COL23A1: variants seen among roughly 807,000 people sequenced by gnomAD.
COL23A1 encodes the protein collagen type XXIII alpha 1 chain.
COL23A1 carries 97 observed loss-of-function variants against 99.3 expected under a neutral mutation model. The ratio of observed to expected loss-of-function variants is 0.98; its 90% CI spans 0.83 to 1.16. The LOEUF is 1.16. COL23A1 is among the 50% of genes most tolerant of loss of function. The pLI is 0.00. For missense variants in COL23A1, 762 were observed against 757.4 expected, an observed-to-expected ratio of 1.01 and a Z score of -0.07; for synonymous variants, 320 against 308.2, an observed-to-expected ratio of 1.04 and a Z score of -0.40.
rs539677247 is a variant in COL23A1 at position 178,373,020 on chromosome 5, C to T, written c.362-66101G>A. Among the ~76,000 whole-genome samples the T allele has an allele frequency of 3.3e-5, 5 of 152,018 alleles. No homozygotes were observed. The East Asian group carries it at 7.7e-4, about 24-fold the overall frequency. ...CCCGGCTCACTGCAACCTCCATCTCCCAGGTTCAAGCGATTCTCCTGCCTC... is the reference window on the plus strand; with the variant it reads ...CCCGGCTCACTGCAACCTCCATCTCTCAGGTTCAAGCGATTCTCCTGCCTC... On this transcript the variant is annotated intron_variant, in intron 2 of 28. Transcript: ENST00000390654.
At chr5:178,487,453 G>A (rs898943530) in intron 2 of COL23A1, among the ~76,000 whole-genome samples, 1 of 152,096 alleles carries the variant, frequency 6.6e-6, no homozygotes, top group African/African-American at 2.4e-5. Flanking sequence ...CTGAGTAGCT[G>A]AGATTACAGG....
At chr5:178,422,592 G>A (rs372044872) in intron 2 of COL23A1, among the ~76,000 whole-genome samples, 2 of 152,142 alleles carry the variant, frequency 1.3e-5, no homozygotes, top group South Asian at 2.1e-4. Flanking sequence ...CCAGCAGGCC[G>A]GGAGCTGGGA....
At chr5:178,435,022 C>T (rs192648441) in intron 2 of COL23A1, among the ~76,000 whole-genome samples, 1 of 152,338 alleles carries the variant, frequency 6.6e-6, no homozygotes, top group Non-Finnish European at 1.5e-5. Context: ...TTCCAGCCAG[C>T]ACCGGATGCA....
At position 178,242,350 on chromosome 5, in the gene COL23A1, A is replaced by C; in HGVS notation, c.1485T>G (p.Arg495=). 1.2e-6 allele frequency: 2 copies of C among 1,613,444 alleles called. No homozygotes were observed. Among genetic ancestry groups the C allele is most frequent in the South Asian group, 1.1e-5 (1 of 91,006 alleles). Residue 495 remains arginine (R), a synonymous_variant, in exon 26 of 29, where the codon CGT becomes CGG. Transcript: ENST00000390654. ...PRGEKGDRSE[R]GEKGERGVPG... ...GTCCAGCTGCCCTCACCTTCTCTCC[A>C]CGCTCGCTCCGATCACCTTTCTCTC...
chr5:178,339,621 G>A (rs1221806429), intron 2 of COL23A1, among the ~76,000 whole-genome samples: 2 of 152,220 alleles, frequency 1.3e-5, no homozygotes, highest in Non-Finnish European at 2.9e-5. Flanking sequence ...AGAGAAAAAT[G>A]ATGTAAGCAC....
Position 178,589,919 on chromosome 5 carries a change from C to G in COL23A1, c.279G>C (p.Glu93Asp). The G allele has an allele frequency of 1.8e-5, 24 of 1,321,058 alleles. No individual in the cohort carries two copies. The highest frequency in any genetic ancestry group is 1.9e-5 in the Non-Finnish European group (20 of 1,041,736). The allele number at this position is 1,321,058 out of a possible 1,614,324, so 81.8% of individuals were successfully genotyped here. Residue 93 changes from glutamate (E) to aspartate (D), a missense_variant, in exon 1 of 29, where the codon GAG (glutamate) becomes GAC (aspartate). Glu to Asp is a conservative substitution (Grantham distance 45, BLOSUM62 2). Transcript: ENST00000390654. The surrounding 1 kb of genome is among the most constrained non-coding windows in gnomAD (Gnocchi z 5.4). ...AGACGCTCACCTCCCGCAGCAGGCG[C>G]TCCAGGTGCGGCTCGGCCCAGGCGT... Reference protein sequence around the residue: ...ALDAWAEPHLERLLREKLDGL... With the variant: ...ALDAWAEPHLDRLLREKLDGL...
intron 2 of COL23A1, among the ~76,000 whole-genome samples, chr5:178,405,085 G>A (rs1764685286): frequency 6.6e-6 from 1 of 152,218 alleles, no homozygotes; most frequent in South Asian, 2.1e-4. Flanking sequence ...ATCCCTTGGA[G>A]CCCATCTCTA....
At chr5:178,247,700 C>T (rs1764780022) in intron 21 of COL23A1, 75 bp downstream of exon 21, 1 of 1,551,838 alleles carries the variant, frequency 6.4e-7, no homozygotes, top group African/African-American at 1.4e-5. Context: ...TGGGTCATGG[C>T]TCTGGGACCT....
At chr5:178,567,481 G>A (rs1204924795) in intron 1 of COL23A1, among the ~76,000 whole-genome samples, 3 of 152,092 alleles carry the variant, frequency 2.0e-5, no homozygotes, top group East Asian at 1.9e-4. Context: ...GGTGGTTCAC[G>A]CCTGTAATCC....
intron 12 of COL23A1, 107 bp downstream of exon 12, chr5:178,259,614 C>T: frequency 1.8e-6 from 2 of 1,131,096 alleles, no homozygotes; most frequent in Non-Finnish European, 2.5e-6. Flanking sequence ...GGTTGGCTCC[C>T]AGCCCATCCC....
intron 2 of COL23A1, among the ~76,000 whole-genome samples, chr5:178,351,512 G>A (rs1358464939): frequency 1.3e-5 from 2 of 152,104 alleles, no homozygotes; most frequent in African/African-American, 4.8e-5. Flanking sequence ...AGCTGCCACA[G>A]GACCCCCAGG....
chr5:178,367,175 T>TAG (rs2127715083), intron 2 of COL23A1, among the ~76,000 whole-genome samples: 1 of 152,330 alleles, frequency 6.6e-6, no homozygotes, highest in South Asian at 2.1e-4. Context: ...ACATCAGCAC[T>TAG]AGCTTGATCT....
intron 2 of COL23A1, among the ~76,000 whole-genome samples, chr5:178,467,044 G>A (rs1053014512): frequency 3.9e-5 from 6 of 152,228 alleles, no homozygotes; most frequent in Admixed American, 2.6e-4. Context: ...GTAAAATGCC[G>A]TGGCAGCACA....
chr5:178,292,160 TG>T (rs1757495944), intron 3 of COL23A1, among the ~76,000 whole-genome samples: 2 of 152,136 alleles, frequency 1.3e-5, no homozygotes, highest in Non-Finnish European at 2.9e-5. Flanking sequence ...TGCCTATACC[TG>T]TACCTGCCTT....
chr5:178,546,442 T>C (rs549355932), intron 2 of COL23A1, among the ~76,000 whole-genome samples: 6 of 152,244 alleles, frequency 3.9e-5, no homozygotes, highest in African/African-American at 1.2e-4. Flanking sequence ...TCTCAGCTCT[T>C]CTCCCAGGAC....
At chr5:178,311,511 T>TGC (rs879678766) in intron 2 of COL23A1, among the ~76,000 whole-genome samples, 4,014 of 54,214 alleles carry the variant, frequency 0.074, 90 homozygotes, top group Middle Eastern at 0.1. Flanking sequence ...TGTGTGCGCG[T>TGC]GTGTGTGTGT....
At chr5:178,513,364 AAG>A (rs1035731775) in intron 2 of COL23A1, among the ~76,000 whole-genome samples, 1 of 152,214 alleles carries the variant, frequency 6.6e-6, no homozygotes, top group African/African-American at 2.4e-5. Flanking sequence ...CACAGAGCTT[AAG>A]TAGCTAGCCC....
chr5:178,333,103 G>T (rs2973684), intron 2 of COL23A1, among the ~76,000 whole-genome samples: 75,808 of 151,736 alleles, frequency 0.5, 19,782 homozygotes, highest in East Asian at 0.9. Flanking sequence ...GACTACAGGC[G>T]CCTGCCACCG....
In COL23A1 at chr5:178,239,192, A is replaced by G. The variant is rs149869133; in HGVS notation, c.1582-13T>C. 6 of 1,613,908 alleles carry G rather than the reference A, an allele frequency of 3.7e-6. No homozygotes were observed. The highest frequency in any genetic ancestry group is 3.3e-5 in the South Asian group (3 of 91,078). On this transcript the variant is annotated splice_polypyrimidine_tract_variant and intron_variant, in intron 27 of 28. Transcript: ENST00000390654. ...GCCCGTCGGGGCCCTGGAAAGGAAG[A>G]AGGTTTCAGTGATGGGGATGGGGCC...
Sources: gnomAD v4.1 joint callset for allele counts (sites outside exome capture counted in the v4.1 genomes callset) on GRCh38, gnomAD v4.1.1 for gene constraint, Gnocchi (gnomAD v3.1) non-coding constraint, MANE v1.5 for transcripts, NCBI Gene and HGNC (gene_info 2026-07-23, HGNC 2026-07-21) for gene names.